The following TTLL5 variants were observed in gnomAD, a reference collection of about 807,000 sequenced individuals.
The protein encoded by TTLL5 is tubulin tyrosine ligase like 5, also known as tubulin polyglutamylase TTLL5.
In TTLL5, 132 loss-of-function variants were observed where a neutral mutation model predicts 168.4. That is an observed-to-expected ratio of 0.78 (90% CI 0.68 to 0.91). The LOEUF (loss-of-function observed/expected upper bound fraction) is 0.91, where lower values mean the gene tolerates loss of function less well. Ranked by LOEUF, TTLL5 falls within the 40% of genes least tolerant of loss-of-function variation. The pLI is 0.00. For synonymous variants in TTLL5, 546 were observed against 558.6 expected (o/e 0.98, Z 0.32); for missense variants, 1,545 against 1,581.5 (o/e 0.98, Z 0.39).
intron 24 of TTLL5, 55 bp from the exon 25 acceptor site, chr14:75,782,432 C>G: frequency 7.2e-7 from 1 of 1,388,972 alleles, no homozygotes; most frequent in East Asian, 2.3e-5. Context: ...ATGTATAGAA[C>G]AGCGGACTTG....
At chr14:75,668,207 A>G (rs1324275489) in intron 2 of TTLL5, among the ~76,000 whole-genome samples, 2 of 152,204 alleles carry the variant, frequency 1.3e-5, no homozygotes, top group Admixed American at 6.5e-5. Context: ...TTAAGGAATT[A>G]TCAGTTTAAG....
chr14:75,858,616 A>G (rs2139923838), intron 28 of TTLL5, among the ~76,000 whole-genome samples: 1 of 152,334 alleles, frequency 6.6e-6, no homozygotes, highest in African/African-American at 2.4e-5. Context: ...TGAGCCTATC[A>G]CTTCAAAGAA....
chr14:75,697,444 G>T (rs1885952092), intron 6 of TTLL5, among the ~76,000 whole-genome samples: 1 of 152,158 alleles, frequency 6.6e-6, no homozygotes, highest in Admixed American at 6.5e-5. Flanking sequence ...TTCTAATTCT[G>T]TTAATTCTGC....
intron 23 of TTLL5, among the ~76,000 whole-genome samples, chr14:75,777,890 A>G (rs1891808510): frequency 6.6e-6 from 1 of 152,114 alleles, no homozygotes; most frequent in African/African-American, 2.4e-5. Flanking sequence ...TTATTTGTTG[A>G]CATTTTTGAG....
intron 29 of TTLL5, among the ~76,000 whole-genome samples, chr14:75,869,931 T>C (rs2030884546): frequency 1.4e-5 from 2 of 147,644 alleles, no homozygotes; most frequent in Non-Finnish European, 1.5e-5. Flanking sequence ...GCGATTCCCC[T>C]GCCTCAGCCT....
intron 30 of TTLL5, among the ~76,000 whole-genome samples, chr14:75,898,818 C>T (rs2032792021): frequency 6.6e-6 from 1 of 152,026 alleles, no homozygotes; most frequent in Non-Finnish European, 1.5e-5. Context: ...AATGTGGCGT[C>T]TCTTCCTAAG....
intron 28 of TTLL5, among the ~76,000 whole-genome samples, chr14:75,858,625 A>T (rs1396224938): frequency 6.6e-6 from 1 of 152,244 alleles, no homozygotes; most frequent in South Asian, 2.1e-4. Context: ...CACTTCAAAG[A>T]ATACAACTGA....
chr14:75,785,983 A>G (rs1892341050), intron 26 of TTLL5, among the ~76,000 whole-genome samples: 1 of 152,202 alleles, frequency 6.6e-6, no homozygotes, highest in African/African-American at 2.4e-5. Context: ...CAAGATTTAA[A>G]CACTAGTAAT....
chr14:75,774,667 T>C (rs1239328814), intron 21 of TTLL5, among the ~76,000 whole-genome samples: 1 of 152,128 alleles, frequency 6.6e-6, no homozygotes, highest in African/African-American at 2.4e-5. Flanking sequence ...TTGGCCTCCA[T>C]GGCACTATTT....
chr14:75,874,805 T>C (rs2031324743), intron 29 of TTLL5, among the ~76,000 whole-genome samples: 1 of 152,046 alleles, frequency 6.6e-6, no homozygotes, highest in South Asian at 2.1e-4. Context: ...ACAACCTGAA[T>C]GTGTGTGTGT....
At chr14:75,813,269 TTTGTGTGTGTGTG>T (rs1223359852) in intron 27 of TTLL5, among the ~76,000 whole-genome samples, 1 of 77,164 alleles carries the variant, frequency 1.3e-5, no homozygotes, top group East Asian at 3.7e-4. Context: ...TGTGTGTGTG[TTTGTGTGTGTGTG>T]TGTGTGTGTG....
intron 7 of TTLL5, among the ~76,000 whole-genome samples, chr14:75,705,756 A>G (rs1430148459): frequency 3.3e-5 from 5 of 152,078 alleles, no homozygotes; most frequent in Non-Finnish European, 5.9e-5. Flanking sequence ...TACTGTAGCT[A>G]TTATCAACCT....
At position 75,717,979 on chromosome 14, in the gene TTLL5, A is replaced by G. The variant is rs1273948730; in HGVS notation, c.842+17A>G. ...TTACGTCAGGTACTGGCTGTGTCTGAGCCAGAAGTCAGAGGTGTCAGTCTC... is the reference window on the plus strand; with the variant it reads ...TTACGTCAGGTACTGGCTGTGTCTGGGCCAGAAGTCAGAGGTGTCAGTCTC... On this transcript the variant is annotated intron_variant, in intron 10 of 31. Coordinates refer to ENST00000298832, the MANE Select transcript of TTLL5 (RefSeq NM_015072.5). 6.2e-7 allele frequency: 1 copy of G among 1,610,878 alleles called. No homozygotes were observed. The highest frequency in any genetic ancestry group is 8.5e-7 in the Non-Finnish European group (1 of 1,178,386).
intron 11 of TTLL5, 47 bp downstream of exon 11, chr14:75,719,873 C>G (rs371610387): frequency 6.4e-7 from 1 of 1,553,702 alleles, no homozygotes; most frequent in Non-Finnish European, 8.9e-7. Flanking sequence ...CTTTGGATAA[C>G]TTTATCATTG....
intron 29 of TTLL5, among the ~76,000 whole-genome samples, chr14:75,872,472 T>A (rs2031114645): frequency 6.6e-6 from 1 of 152,188 alleles, no homozygotes. Flanking sequence ...TCAGTACCTC[T>A]GCAATTATGA....
intron 31 of TTLL5, among the ~76,000 whole-genome samples, chr14:75,946,151 G>C (rs2140207629): frequency 6.6e-6 from 1 of 152,288 alleles, no homozygotes; most frequent in South Asian, 2.1e-4. Flanking sequence ...AGGAGGAATT[G>C]GGGGCAACAT....
intron 27 of TTLL5, among the ~76,000 whole-genome samples, chr14:75,810,693 C>T (rs1893941610): frequency 6.6e-6 from 1 of 152,176 alleles, no homozygotes; most frequent in Non-Finnish European, 1.5e-5. Context: ...TAATTTTCTT[C>T]TCCATTTCGA....
At chr14:75,792,773 T>G in intron 26 of TTLL5, 143 bp from the exon 27 acceptor site, 1 of 645,680 alleles carries the variant, frequency 1.5e-6, no homozygotes, top group Non-Finnish European at 2.4e-6. Flanking sequence ...TGTGATCATT[T>G]GAAGATAGTT....
At chr14:75,817,244 C>T (rs1423455623) in intron 27 of TTLL5, among the ~76,000 whole-genome samples, 5 of 152,140 alleles carry the variant, frequency 3.3e-5, no homozygotes, top group Non-Finnish European at 7.3e-5. Flanking sequence ...TCCCAAAGTG[C>T]TGGGATTACA....
Sources: allele counts gnomAD v4.1 joint callset (sites outside exome capture counted in the v4.1 genomes callset), GRCh38; gene constraint gnomAD v4.1.1; transcripts MANE v1.5; gene names NCBI Gene and HGNC (gene_info 2026-07-23, HGNC 2026-07-21).